The following EWSR1 variants were observed in gnomAD, a reference collection of about 807,000 sequenced individuals.
The protein encoded by EWSR1 is EWS RNA binding protein 1.
Under a neutral mutation model 92.1 loss-of-function variants are expected in EWSR1, and 14 were observed. The ratio of observed to expected loss-of-function variants is 0.15; its 90% CI spans 0.10 to 0.24. The LOEUF (loss-of-function observed/expected upper bound fraction) is 0.24, where lower values mean the gene tolerates loss of function less well. EWSR1 is among the 10% of genes least tolerant of loss of function. The pLI, the probability that EWSR1 is intolerant of heterozygous loss-of-function variation, is 1.00. For missense variants in EWSR1, 637 were observed against 870.9 expected, an observed-to-expected ratio of 0.73 and a Z score of 3.38; for synonymous variants, 303 against 292.9, an observed-to-expected ratio of 1.03 and a Z score of -0.35.
At chr22:29,295,447 G>GT (rs756094276) in intron 11 of EWSR1, 2 of 209,490 alleles carry the variant, frequency 9.5e-6, no homozygotes, top group Non-Finnish European at 1.9e-5. Flanking sequence ...GGACAACAGA[G>GT]TGAGACTCTG....
At chr22:29,277,166 G>GT (rs2059186626) in intron 4 of EWSR1, 1 of 225,602 alleles carries the variant, frequency 4.4e-6, no homozygotes, top group East Asian at 6.4e-5. Flanking sequence ...GTGAAACCAG[G>GT]TTTTTTCTGA....
At chr22:29,290,585 G>A in intron 8 of EWSR1, 1 of 1,518,054 alleles carries the variant, frequency 6.6e-7, no homozygotes, top group South Asian at 1.3e-5. Flanking sequence ...GAATCCTTCT[G>A]TAACTTTGGT....
chr22:29,276,961 C>T (rs1425622437), intron 4 of EWSR1: 1 of 231,030 alleles, frequency 4.3e-6, no homozygotes, highest in Non-Finnish European at 8.6e-6. Context: ...ACCCATTGAC[C>T]ATGAGGAAGA....
Position 29,286,048 on chromosome 22 carries a change from C to T in EWSR1, c.582-875C>T, listed in dbSNP as rs138265074. ...AGAGATGGGGGTTTCACCATGTTAG[C>T]CAGGATGGTCTCGATCTCTTGACCT... On this transcript the variant is annotated intron_variant, in intron 6 of 16. Coordinates refer to ENST00000397938, the MANE Select transcript of EWSR1 (RefSeq NM_005243.4). Among the ~76,000 whole-genome samples the T allele has an allele frequency of 5.4e-3, 818 of 152,152 alleles. 12 individuals carry two copies. Among genetic ancestry groups the T allele is most frequent in the African/African-American group, 0.019 (770 of 41,544 alleles).
chr22:29,280,007 GA>G (rs1202143569), intron 5 of EWSR1, among the ~76,000 whole-genome samples: 23 of 152,054 alleles, frequency 1.5e-4, no homozygotes, highest in African/African-American at 5.6e-4. Context: ...TTTTCGACTG[GA>G]AAAGGGTATG....
At chr22:29,268,652 A>T (rs1042896525) in intron 1 of EWSR1, among the ~76,000 whole-genome samples, 2 of 151,994 alleles carry the variant, frequency 1.3e-5, no homozygotes, top group Non-Finnish European at 2.9e-5. Context: ...GCCTCCCGCC[A>T]CGTGGGCGGG....
intron 5 of EWSR1, among the ~76,000 whole-genome samples, chr22:29,279,034 A>G (rs938492908): frequency 6.6e-6 from 1 of 152,088 alleles, no homozygotes. Flanking sequence ...CGAAGGGTCA[A>G]AATGAGGAAT....
intron 8 of EWSR1, chr22:29,290,666 G>A (rs564207320): frequency 1.5e-6 from 2 of 1,376,746 alleles, no homozygotes; most frequent in Non-Finnish European, 1.9e-6. Context: ...ACATTAAAGT[G>A]TAAACTTTTG....
intron 5 of EWSR1, among the ~76,000 whole-genome samples, chr22:29,280,016 A>G (rs985879985): frequency 1.3e-5 from 2 of 152,104 alleles, no homozygotes; most frequent in African/African-American, 4.8e-5. Context: ...GGAAAAGGGT[A>G]TGGGACCTAT....
intron 6 of EWSR1, among the ~76,000 whole-genome samples, chr22:29,284,225 C>T (rs1252639492): frequency 6.6e-6 from 1 of 151,362 alleles, no homozygotes; most frequent in Non-Finnish European, 1.5e-5. Flanking sequence ...CCACCTTGGC[C>T]TCCCAAAGTG....
intron 3 of EWSR1, among the ~76,000 whole-genome samples, chr22:29,273,115 A>G (rs1439396645): frequency 6.6e-6 from 1 of 152,156 alleles, no homozygotes; most frequent in Non-Finnish European, 1.5e-5. Flanking sequence ...TGAAAGAACA[A>G]CTCTTCCTTG....
At chr22:29,268,675 C>A (rs2058351390) in intron 1 of EWSR1, among the ~76,000 whole-genome samples, 1 of 152,178 alleles carries the variant, frequency 6.6e-6, no homozygotes, top group African/African-American at 2.4e-5. Context: ...CTGCGGCCTT[C>A]GAGGCCCTGC....
intron 1 of EWSR1, chr22:29,269,108 C>T (rs1178382795): frequency 6.6e-6 from 1 of 152,206 alleles, no homozygotes; most frequent in Non-Finnish European, 1.5e-5. Flanking sequence ...TTTCTGCAAA[C>T]GCCGAGGGAC....
At chr22:29,279,210 A>G (rs963299529) in intron 5 of EWSR1, among the ~76,000 whole-genome samples, 2 of 152,170 alleles carry the variant, frequency 1.3e-5, no homozygotes, top group Non-Finnish European at 1.5e-5. Context: ...TGATGCTTTT[A>G]TCTTTGATTT....
chr22:29,300,478 GTTTT>G lies in EWSR1; in HGVS notation c.*330_*333del. 5.4e-6 allele frequency: 1 copy of G among 185,946 alleles called. No homozygotes were observed. Among genetic ancestry groups the G allele is most frequent in the Non-Finnish European group, 1.1e-5 (1 of 94,894 alleles). The allele number at this position is 185,946 out of a possible 1,614,324, so 11.5% of individuals were successfully genotyped here. On this transcript the variant is annotated 3_prime_UTR_variant, in exon 17 of 17. Transcript: ENST00000397938. ...CTGTAACAATGTTCATGGTTGTGAT[GTTTT>G]TTTTTTTTTTTTAAATAAAATTCCA...
intron 8 of EWSR1, chr22:29,289,891 G>A (rs1321137465): frequency 2.6e-5 from 6 of 230,136 alleles, no homozygotes; most frequent in Non-Finnish European, 5.2e-5. Context: ...TTAATGATTC[G>A]GTATGAAGTA....
At chr22:29,271,791 C>T (rs552838643) in intron 1 of EWSR1, among the ~76,000 whole-genome samples, 10 of 152,276 alleles carry the variant, frequency 6.6e-5, no homozygotes, top group Admixed American at 1.3e-4. Flanking sequence ...TAGGTTCTAA[C>T]GTAACCAATC....
At chr22:29,282,750 ATTCTTTT>A (rs1373038875) in intron 6 of EWSR1, among the ~76,000 whole-genome samples, 193 bp downstream of exon 6, 2 of 149,654 alleles carry the variant, frequency 1.3e-5, no homozygotes, top group South Asian at 2.1e-4. Flanking sequence ...GCTAATAACT[ATTCTTTT>A]TTCTTTTTTT....
chr22:29,299,531 T>TTCCACAGTG, intron 15 of EWSR1, 68 bp from the exon 16 acceptor site: 2 of 1,522,384 alleles, frequency 1.3e-6, no homozygotes, highest in South Asian at 2.6e-5. Flanking sequence ...GCAGAGCAGC[T>TTCCACAGTG]TCCACAGTGT....
Sources: gnomAD v4.1 joint callset for allele counts (sites outside exome capture counted in the v4.1 genomes callset) on GRCh38, gnomAD v4.1.1 for gene constraint, MANE v1.5 for transcripts, NCBI Gene and HGNC (gene_info 2026-07-23, HGNC 2026-07-21) for gene names.